SIN3B: variants seen among roughly 807,000 people sequenced by gnomAD.
SIN3B encodes the protein SIN3 transcription regulator family member B.
SIN3B carries 19 observed loss-of-function variants against 120.2 expected under a neutral mutation model. The observed-to-expected ratio is 0.16, with a 90% confidence interval of 0.11 to 0.23. SIN3B has a LOEUF of 0.23. Among genes scored for constraint, SIN3B ranks in the 10% least tolerant of loss-of-function variants. The pLI is 1.00. For synonymous variants in SIN3B, 654 were observed against 653.2 expected (o/e 1.00, Z -0.02); for missense variants, 1,073 against 1,573.0 (o/e 0.68, Z 5.38).
In SIN3B at chr19:16,862,837, A is replaced by T; in HGVS notation, c.1266+278A>T. 1 of 1,419,516 alleles carries T rather than the reference A, an allele frequency of 7.0e-7. No homozygotes were observed. The highest frequency in any genetic ancestry group is 1.0e-6 in the Non-Finnish European group (1 of 1,003,960). The allele number at this position is 1,419,516 out of a possible 1,614,324, so 87.9% of individuals were successfully genotyped here. A position where few individuals can be genotyped will look rare whatever the true frequency, so the allele number is the denominator to read the frequency against. On this transcript the variant is annotated intron_variant, in intron 9 of 18. Transcript: ENST00000248054. This position sits in a 1 kb window ranked among gnomAD's most constrained non-coding sequence, Gnocchi z 4.7. The stretch of plus-strand genomic sequence containing the variant: ...TTGACTTAGGTTTATTGCTGCCATG[A>T]TTCTGCTCTGTCCCGGGCTCACTGA...
chr19:16,875,918 G>A, intron 14 of SIN3B, 137 bp from the exon 15 acceptor site: 4 of 1,073,856 alleles, frequency 3.7e-6, no homozygotes, highest in Non-Finnish European at 3.9e-6. Flanking sequence ...AGCCTGTCAG[G>A]ATTCTGGTCT....
At chr19:16,838,624 G>T (rs556469061) in intron 3 of SIN3B, among the ~76,000 whole-genome samples, 1 of 152,256 alleles carries the variant, frequency 6.6e-6, no homozygotes, top group East Asian at 1.9e-4. Context: ...GTTGTGCATA[G>T]TGCTGCAACG....
intron 10 of SIN3B, 106 bp from the exon 11 acceptor site, chr19:16,865,304 A>ACCCCC (rs1201293492): frequency 2.4e-5 from 11 of 463,798 alleles, no homozygotes; most frequent in South Asian, 5.6e-5. Context: ...TTAAATACAC[A>ACCCCC]CACCCCCCCC....
At chr19:16,877,869 C>T (rs887230179) in intron 17 of SIN3B, among the ~76,000 whole-genome samples, 4 of 152,192 alleles carry the variant, frequency 2.6e-5, no homozygotes, top group Non-Finnish European at 5.9e-5. Context: ...CACGATGCGT[C>T]AGTGGGTGAA....
At chr19:16,859,513 G>T (rs1253583164) in intron 8 of SIN3B, among the ~76,000 whole-genome samples, 2 of 152,186 alleles carry the variant, frequency 1.3e-5, no homozygotes, top group Non-Finnish European at 2.9e-5. Flanking sequence ...ACCCTCATGG[G>T]TCAAGCTGAG....
At position 16,862,641 on chromosome 19, in the gene SIN3B, T is replaced by G. The variant is rs559797270; in HGVS notation, c.1266+82T>G. The G allele has an allele frequency of 1.5e-5, 20 of 1,335,436 alleles. No individual in the cohort carries two copies. Among genetic ancestry groups the G allele is most frequent in the Non-Finnish European group, 2.1e-5 (20 of 946,182 alleles). The allele number at this position is 1,335,436 out of a possible 1,614,324, so 82.7% of individuals were successfully genotyped here. A position where few individuals can be genotyped will look rare whatever the true frequency, so the allele number is the denominator to read the frequency against. On this transcript the variant is annotated intron_variant, in intron 9 of 18. Coordinates refer to ENST00000248054, the MANE Select transcript of SIN3B (RefSeq NM_001297595.2). This position sits in a 1 kb window ranked among gnomAD's most constrained non-coding sequence, Gnocchi z 4.7. ...CAGCAAACACCCGATACCCCCGTTATGAATGAAATGCTGTGTGCTCAGCCC... is the reference window on the plus strand; with the variant it reads ...CAGCAAACACCCGATACCCCCGTTAGGAATGAAATGCTGTGTGCTCAGCCC...
At chr19:16,878,471 G>T (rs758745658) in intron 18 of SIN3B, 26 bp from the exon 19 acceptor site, 1 of 1,563,892 alleles carries the variant, frequency 6.4e-7, no homozygotes, top group Non-Finnish European at 8.7e-7. Context: ...GCCCTCAGCT[G>T]CCCTGACACC....
At chr19:16,854,282 G>T in intron 8 of SIN3B, 21 bp downstream of exon 8, 1 of 1,524,448 alleles carries the variant, frequency 6.6e-7, no homozygotes. Flanking sequence ...GACTTCCCAG[G>T]GCTCCCTAGG....
Position 16,866,361 on chromosome 19 carries a change from T to C in SIN3B, c.1623-12T>C. 6.2e-7 allele frequency: 1 copy of C among 1,606,726 alleles called. No homozygotes were observed. The highest frequency in any genetic ancestry group is 8.5e-7 in the Non-Finnish European group (1 of 1,176,044). ...GGCTTGTCCCTGGTGCTGACCTCTCTTCCCCCCGCAGACTGAAGGCCAAGG... is the reference window on the plus strand; with the variant it reads ...GGCTTGTCCCTGGTGCTGACCTCTCCTCCCCCCGCAGACTGAAGGCCAAGG... On this transcript the variant is annotated splice_polypyrimidine_tract_variant and intron_variant, in intron 11 of 18. Transcript: ENST00000248054.
chr19:16,838,459 C>T (rs1404734664), intron 3 of SIN3B, among the ~76,000 whole-genome samples: 2 of 152,150 alleles, frequency 1.3e-5, no homozygotes, highest in African/African-American at 2.4e-5. Context: ...TCTGGCTTCT[C>T]ACTCAGCATC....
intron 5 of SIN3B, 71 bp downstream of exon 5, chr19:16,847,184 C>G: frequency 6.5e-7 from 1 of 1,533,092 alleles, no homozygotes; most frequent in Non-Finnish European, 8.9e-7. Flanking sequence ...CAGCTTGACC[C>G]ATGTCCGGGC....
intron 8 of SIN3B, among the ~76,000 whole-genome samples, chr19:16,856,017 A>C (rs1343235234): frequency 1.3e-5 from 2 of 152,212 alleles, no homozygotes; most frequent in Non-Finnish European, 2.9e-5. Flanking sequence ...TGATCACGCC[A>C]CTGTCCTCTA....
At chr19:16,863,641 G>A (rs764878194) in intron 9 of SIN3B, 39 bp from the exon 10 acceptor site, 2 of 1,332,238 alleles carry the variant, frequency 1.5e-6, no homozygotes, top group Non-Finnish European at 2.2e-6. Flanking sequence ...TGGCTCCTGG[G>A]GCATGCAGCG....
In SIN3B at chr19:16,841,875, C is replaced by G; in HGVS notation, c.489C>G (p.Asn163Lys). Residue 163 changes from asparagine to lysine, a missense_variant, in exon 4 of 19, where the codon AAC becomes AAG. Physicochemically the swap from Asn to Lys is moderately conservative, Grantham distance 94. This residue lies in a region of SIN3B where 395 missense variants were observed against 528.0 expected (regional missense o/e 0.75). Transcript: ENST00000248054. The stretch of plus-strand genomic sequence containing the variant: ...TGGAGTCCGATTCCGTGGAATTCAA[C>G]AACGCCATCAGCTATGTGAATAAGA... ...VPLESDSVEF[N>K]NAISYVNKIK... is the part of the protein sequence containing the mutation. 1 of 1,614,136 alleles carries G rather than the reference C, an allele frequency of 6.2e-7. No homozygotes were observed. The highest frequency in any genetic ancestry group is 8.5e-7 in the Non-Finnish European group (1 of 1,180,016).
At chr19:16,856,157 A>C (rs1171276394) in intron 8 of SIN3B, among the ~76,000 whole-genome samples, 1 of 152,222 alleles carries the variant, frequency 6.6e-6, no homozygotes. Context: ...TGGCCAGGTC[A>C]GCCTCAGGAA....
intron 3 of SIN3B, among the ~76,000 whole-genome samples, chr19:16,839,241 T>TA (rs1422487811): frequency 2.0e-5 from 3 of 152,190 alleles, no homozygotes; most frequent in Non-Finnish European, 2.9e-5. Context: ...GTGCTAGAAT[T>TA]ACAGGTGTGA....
rs1308963464 is a variant in SIN3B at position 16,851,453 on chromosome 19, G to T, written c.768G>T (p.Lys256Asn). Residue 256 changes from lysine (K) to asparagine (N), a missense_variant, in exon 6 of 19, where the codon AAG becomes AAT. Physicochemically the swap from Lys to Asn is moderately conservative, Grantham distance 94. Transcript: ENST00000248054. ...CGTGCGAGATGCACAGCGTGCAGAA[G>T]AACGAGCACGACAAGACCCCGGAGC... The part of the protein sequence containing the change: ...NGPCEMHSVQ[K>N]NEHDKTPEHS... The T allele has an allele frequency of 1.9e-6, 3 of 1,609,994 alleles. No individual in the cohort carries two copies. In the East Asian group the frequency reaches 6.7e-5, roughly 36 times the overall value.
At chr19:16,845,241 G>A (rs1026107998) in intron 4 of SIN3B, among the ~76,000 whole-genome samples, 1 of 152,090 alleles carries the variant, frequency 6.6e-6, no homozygotes, top group Non-Finnish European at 1.5e-5. Context: ...CTAAAAGGTG[G>A]TACCAATTTG....
chr19:16,853,259 G>A, intron 7 of SIN3B, 101 bp downstream of exon 7: 2 of 1,085,916 alleles, frequency 1.8e-6, no homozygotes, highest in East Asian at 2.4e-5. Context: ...GAGCAGGTAG[G>A]GTGGGTGCAG....
Sources: gnomAD v4.1 joint callset for allele counts (sites outside exome capture counted in the v4.1 genomes callset) on GRCh38, gnomAD v4.1.1 for gene constraint, gnomAD v4.1.1 regional missense constraint, Gnocchi (gnomAD v3.1) non-coding constraint, MANE v1.5 for transcripts, NCBI Gene and HGNC (gene_info 2026-07-23, HGNC 2026-07-21) for gene names.